The following RFX7 variants were observed in gnomAD, a reference collection of about 807,000 sequenced individuals.
RFX7 encodes DNA-binding protein RFX7.
RFX7 carries 26 observed loss-of-function variants against 111.8 expected under a neutral mutation model. The ratio of observed to expected loss-of-function variants is 0.23; its 90% CI spans 0.17 to 0.32. The LOEUF is 0.32. Among genes scored for constraint, RFX7 ranks in the 10% least tolerant of loss-of-function variants. The pLI, the probability that RFX7 is intolerant of heterozygous loss-of-function variation, is 1.00. For missense variants in RFX7, 1,573 were observed against 1,772.9 expected, an observed-to-expected ratio of 0.89 and a Z score of 2.02; for synonymous variants, 624 against 624.4, an observed-to-expected ratio of 1.00 and a Z score of 0.01.
intron 5 of RFX7, among the ~76,000 whole-genome samples, chr15:56,135,648 T>G (rs1358537476): frequency 1.3e-5 from 2 of 152,172 alleles, no homozygotes; most frequent in Non-Finnish European, 2.9e-5. Context: ...TTTTGGCTTT[T>G]GTTGCCATTG....
chr15:56,119,824 G>T (rs1403003718), intron 5 of RFX7, among the ~76,000 whole-genome samples: 1 of 150,984 alleles, frequency 6.6e-6, no homozygotes, highest in Admixed American at 6.6e-5. Context: ...CACTGTAGAT[G>T]TATGAATTTG....
intron 2 of RFX7, among the ~76,000 whole-genome samples, chr15:56,242,531 T>C (rs1050487090): frequency 1.3e-5 from 2 of 152,172 alleles, no homozygotes; most frequent in African/African-American, 4.8e-5. Context: ...AACTACCATC[T>C]TAAAATATTT....
intron 5 of RFX7, among the ~76,000 whole-genome samples, chr15:56,128,596 A>G (rs77623774): frequency 5.8e-4 from 88 of 152,246 alleles, no homozygotes; most frequent in African/African-American, 2.0e-3. Flanking sequence ...CACAGATAAT[A>G]TCATACTTAA....
rs552089774 is a variant in RFX7 at position 56,130,082 on chromosome 15, C to G, written c.401+12696G>C. Among the ~76,000 whole-genome samples, 75 of 152,130 alleles carry G rather than the reference C, an allele frequency of 4.9e-4. 3 individuals are homozygous for G. The South Asian group carries it at 0.014, about 29-fold the overall frequency. ...TAATCCTAACATTTGTAAAGCAAAA[C>G]TCATAAAAAATACAGTAAGGAACTG... is the stretch of plus-strand genomic sequence containing the variant. On this transcript the variant is annotated intron_variant, in intron 5 of 9. Transcript: ENST00000559447.
intron 2 of RFX7, among the ~76,000 whole-genome samples, chr15:56,210,701 C>G (rs114893203): frequency 6.6e-6 from 1 of 151,972 alleles, no homozygotes. Flanking sequence ...TTCTAAATAA[C>G]GCGTAAGTCA....
intron 5 of RFX7, among the ~76,000 whole-genome samples, chr15:56,142,265 A>G (rs995905484): frequency 6.6e-6 from 1 of 152,188 alleles, no homozygotes; most frequent in African/African-American, 2.4e-5. Flanking sequence ...ATACAACCAA[A>G]TTTGAGTGTC....
intron 3 of RFX7, among the ~76,000 whole-genome samples, chr15:56,148,395 T>C (rs2042515505): frequency 6.6e-6 from 1 of 152,226 alleles, no homozygotes; most frequent in Non-Finnish European, 1.5e-5. Flanking sequence ...AGATGGTACT[T>C]TGACCTTTCA....
chr15:56,157,681 A>G (rs1344263641), intron 3 of RFX7, among the ~76,000 whole-genome samples: 8 of 152,194 alleles, frequency 5.3e-5, no homozygotes, highest in Admixed American at 5.2e-4. Context: ...CCCAGGTTCA[A>G]GCATTCTCCT....
rs192207709 is a variant in RFX7 at position 56,153,106 on chromosome 15, T to C, written c.196-8623A>G. ...CAAAAAAAGTCCATGACCAGACGGATTCACAGCCGAATTCTACCAGAGGTA... is the reference window on the plus strand; with the variant it reads ...CAAAAAAAGTCCATGACCAGACGGACTCACAGCCGAATTCTACCAGAGGTA... On this transcript the variant is annotated intron_variant, in intron 3 of 9. Coordinates refer to ENST00000559447, the MANE Select transcript of RFX7 (RefSeq NM_022841.7). 9.2e-5 allele frequency among the ~76,000 whole-genome samples: 14 copies of C among 152,222 alleles called. No individual in the cohort carries two copies. The East Asian group carries it at 2.7e-3, about 29-fold the overall frequency.
At chr15:56,190,905 C>T (rs191368574) in intron 2 of RFX7, among the ~76,000 whole-genome samples, 9 of 152,318 alleles carry the variant, frequency 5.9e-5, no homozygotes, top group East Asian at 3.9e-4. Flanking sequence ...AGGGAAGACA[C>T]GGCATTCAAG....
chr15:56,185,912 C>T (rs1413728929), intron 2 of RFX7, among the ~76,000 whole-genome samples: 1 of 152,138 alleles, frequency 6.6e-6, no homozygotes, highest in Non-Finnish European at 1.5e-5. Flanking sequence ...AACTTATCTT[C>T]ACAAAGATTA....
At chr15:56,193,143 C>T (rs192853932) in intron 2 of RFX7, 169 of 230,106 alleles carry the variant, frequency 7.3e-4, no homozygotes, top group Non-Finnish European at 1.2e-3. Flanking sequence ...ACTGTGTGGC[C>T]GGTCACTGCA....
chr15:56,096,504 T>C lies in RFX7; in HGVS notation c.1224A>G (p.Ala408=), dbSNP rs2041680121. ...CTGGAACGTTCTGGGGAGTCTTTGG[T>C]GCCTGTTTCACAGACTGCATGTGCT... The part of the protein sequence containing the change: ...VTQHMQSVKQ[A]PKTPQNVPAS... The change falls in exon 10 of 10, where the codon GCA becomes GCG. Residue 408 remains alanine, a synonymous_variant. Coordinates refer to ENST00000559447, the MANE Select transcript of RFX7 (RefSeq NM_022841.7). 1 of 1,604,862 alleles carries C rather than the reference T, an allele frequency of 6.2e-7. No homozygotes were observed.
chr15:56,106,925 T>C (rs1302177714), intron 5 of RFX7, among the ~76,000 whole-genome samples: 1 of 152,096 alleles, frequency 6.6e-6, no homozygotes, highest in Non-Finnish European at 1.5e-5. Flanking sequence ...GACTCTTAAC[T>C]CAGTGTCAGA....
At chr15:56,126,539 G>A (rs1363579537) in intron 5 of RFX7, among the ~76,000 whole-genome samples, 4 of 152,078 alleles carry the variant, frequency 2.6e-5, no homozygotes, top group Non-Finnish European at 5.9e-5. Context: ...TAGCAAAATG[G>A]CAAATGTAAA....
chr15:56,119,407 T>C lies in RFX7; in HGVS notation c.402-15737A>G, dbSNP rs773272769. Among the ~76,000 whole-genome samples, 68 of 152,316 alleles carry C rather than the reference T, an allele frequency of 4.5e-4. 1 individual carries two copies. The highest frequency in any genetic ancestry group is 1.3e-3 in the Admixed American group (20 of 15,290). Reference sequence around the variant, plus strand: ...CTAGATTCATTCTTCTACATAAGGATATCCAGTTTTCCCAGCATCATTTAT... The same window carrying C: ...CTAGATTCATTCTTCTACATAAGGACATCCAGTTTTCCCAGCATCATTTAT... On this transcript the variant is annotated intron_variant, in intron 5 of 9. Transcript: ENST00000559447.
intron 2 of RFX7, among the ~76,000 whole-genome samples, chr15:56,232,598 T>C (rs779903180): frequency 6.6e-6 from 1 of 152,220 alleles, no homozygotes; most frequent in African/African-American, 2.4e-5. Context: ...GGTTTTTCTT[T>C]TCTAATACAT....
intron 2 of RFX7, among the ~76,000 whole-genome samples, chr15:56,202,844 CAGAGGTGAGCATACAGAGACAAA>C (rs1306606432): frequency 1.3e-5 from 2 of 152,098 alleles, no homozygotes; most frequent in Non-Finnish European, 2.9e-5. Context: ...ATGACTGTCT[CAGAGGTGAGCATACAGAGACAAA>C]AGAGGTCATC....
rs1011724164 is a variant in RFX7, at chr15:56,087,702, C to T, written c.*5643G>A. 3 of 364,422 alleles carry T rather than the reference C, an allele frequency of 8.2e-6. No homozygotes were observed. Among genetic ancestry groups the T allele is most frequent in the Non-Finnish European group, 1.6e-5 (3 of 184,810 alleles). The allele number at this position is 364,422 out of a possible 1,614,324, so 22.6% of individuals were successfully genotyped here. A position where few individuals can be genotyped will look rare whatever the true frequency, so the allele number is the denominator to read the frequency against. On this transcript the variant is annotated 3_prime_UTR_variant, in exon 10 of 10. Coordinates refer to ENST00000559447, the MANE Select transcript of RFX7 (RefSeq NM_022841.7). The stretch of plus-strand genomic sequence containing the variant: ...TACTACTGGTAAGTATCCGCCTCTG[C>T]TATAGTGACCTCATTGCATCCTGCA...
Sources: allele counts gnomAD v4.1 joint callset (sites outside exome capture counted in the v4.1 genomes callset), GRCh38; gene constraint gnomAD v4.1.1; transcripts MANE v1.5; gene names NCBI Gene and HGNC (gene_info 2026-07-23, HGNC 2026-07-21).